SBNO2: variants seen among roughly 807,000 people sequenced by gnomAD.
The protein encoded by SBNO2 is strawberry notch homolog 2.
SBNO2 carries 89 observed loss-of-function variants against 146.3 expected under a neutral mutation model. The ratio of observed to expected loss-of-function variants is 0.61; its 90% CI spans 0.51 to 0.73. The LOEUF (loss-of-function observed/expected upper bound fraction) is 0.73. SBNO2 is among the 30% of genes least tolerant of loss of function. The pLI is 0.00. For synonymous variants in SBNO2, 1,147 were observed against 892.6 expected (o/e 1.29, Z -5.08); for missense variants, 2,092 against 2,003.7 (o/e 1.04, Z -0.84).
rs751306651 is a variant in SBNO2 at position 1,109,436 on chromosome 19, G to A, written c.3217-13C>T. ...TGTTACCGCGGACCTGCGGAGGGGG[G>A]CGTTGAGGCCGCGCCCCGGTCCGCC... On this transcript the variant is annotated splice_polypyrimidine_tract_variant and intron_variant, in intron 28 of 31. Transcript: ENST00000361757. The surrounding 1 kb of genome is among the most constrained non-coding windows in gnomAD (Gnocchi z 4.2). 1.3e-6 allele frequency: 2 copies of A among 1,563,656 alleles called. No individual in the cohort carries two copies. Among genetic ancestry groups the A allele is most frequent in the Non-Finnish European group, 1.7e-6 (2 of 1,155,258 alleles).
intron 23 of SBNO2, 102 bp from the exon 24 acceptor site, chr19:1,111,716 C>T (rs934876450): frequency 1.3e-4 from 112 of 863,318 alleles, no homozygotes; most frequent in Non-Finnish European, 1.8e-4. Context: ...GCCCCTGGAC[C>T]CTGCCCTCCC....
chr19:1,113,148 C>G (rs1000091974), intron 19 of SBNO2, among the ~76,000 whole-genome samples, 199 bp from the exon 20 acceptor site: 4 of 152,184 alleles, frequency 2.6e-5, no homozygotes, highest in African/African-American at 9.7e-5. Flanking sequence ...GTATTATCAG[C>G]CAGCCGGCGC....
chr19:1,139,065 G>A (rs2080111610), intron 4 of SBNO2, among the ~76,000 whole-genome samples: 1 of 152,092 alleles, frequency 6.6e-6, no homozygotes, highest in South Asian at 2.1e-4. Context: ...GGTCCTCCAC[G>A]CGTCCATCAT....
intron 15 of SBNO2, 37 bp downstream of exon 15, chr19:1,117,286 C>G: frequency 6.5e-7 from 1 of 1,532,646 alleles, no homozygotes; most frequent in East Asian, 2.4e-5. Flanking sequence ...CCTGCAGGCC[C>G]GGCCGCCCTC....
intron 17 of SBNO2, among the ~76,000 whole-genome samples, chr19:1,114,798 C>T (rs897820199): frequency 1.3e-5 from 2 of 152,130 alleles, no homozygotes; most frequent in Non-Finnish European, 2.9e-5. Flanking sequence ...CCACGCCTGG[C>T]TAATCTTTTG....
chr19:1,119,807 G>A (rs780321238), intron 12 of SBNO2, 99 bp downstream of exon 12: 4 of 1,023,562 alleles, frequency 3.9e-6, no homozygotes, highest in Non-Finnish European at 5.8e-6. Flanking sequence ...GCAGGGTGCA[G>A]ACGGAGGCTG....
rs996658254 is a variant in SBNO2, at chr19:1,129,110, C to A, written c.280-1345G>T. 4.6e-5 allele frequency among the ~76,000 whole-genome samples: 7 copies of A among 151,414 alleles called. No homozygotes were observed. The East Asian group carries it at 1.2e-3, about 25-fold the overall frequency. ...GGTAAAACCCTGTCTTTACTAAAAA[C>A]ACAAAAATTAGCTGGGCATGGTGGT... On this transcript the variant is annotated intron_variant, in intron 4 of 31. Coordinates refer to ENST00000361757, the MANE Select transcript of SBNO2 (RefSeq NM_014963.3).
At chr19:1,147,256 G>A (rs2080199257) in intron 4 of SBNO2, 53 bp downstream of exon 4, 10 of 1,228,894 alleles carry the variant, frequency 8.1e-6, no homozygotes, top group East Asian at 5.2e-5. Context: ...CTGGAGGGGC[G>A]GCCCAGACTC....
chr19:1,132,683 C>A (rs1250728803), intron 4 of SBNO2, among the ~76,000 whole-genome samples: 1 of 152,224 alleles, frequency 6.6e-6, no homozygotes, highest in Non-Finnish European at 1.5e-5. Context: ...CTCTCCCCAC[C>A]CCACCCCTGC....
intron 1 of SBNO2, among the ~76,000 whole-genome samples, chr19:1,162,821 C>G (rs2080362427): frequency 6.6e-6 from 1 of 152,234 alleles, no homozygotes; most frequent in African/African-American, 2.4e-5. Context: ...TACATGCACA[C>G]CCAGTCCAGC....
rs1345576350 is a variant in SBNO2, at chr19:1,110,824, C to T, written c.2949G>A (p.Leu983=). ...LGLEVHKQNA[L]FQYFSDTFDH... is the part of the protein sequence containing the mutation. Reference sequence around the variant, plus strand: ...CGAAGGTGTCTGAGAAGTACTGGAACAGGGCGTTCTGCTTGTGCACCTCCA... The same window carrying T: ...CGAAGGTGTCTGAGAAGTACTGGAATAGGGCGTTCTGCTTGTGCACCTCCA... The change falls in exon 26 of 32, where the codon CTG becomes CTA. Residue 983 remains leucine (L), a synonymous_variant. Coordinates refer to ENST00000361757, the MANE Select transcript of SBNO2 (RefSeq NM_014963.3). The surrounding 1 kb of genome is among the most constrained non-coding windows in gnomAD (Gnocchi z 4.9). 2 of 1,613,676 alleles carry T rather than the reference C, an allele frequency of 1.2e-6. No homozygotes were observed. Among genetic ancestry groups the T allele is most frequent in the Admixed American group, 1.7e-5 (1 of 59,986 alleles).
Position 1,147,433 on chromosome 19 carries a change from G to T in SBNO2, c.168-13C>A, listed in dbSNP as rs767608646. The T allele has an allele frequency of 6.4e-5, 32 of 498,650 alleles. No homozygotes were observed. Among genetic ancestry groups the T allele is most frequent in the Non-Finnish European group, 8.6e-5 (30 of 348,120 alleles). 30.9% of individuals were successfully genotyped at this position (498,650 alleles called of 1,614,324 possible). ...GCTCATGAACGGGCTGGAGGGAGAT[G>T]GGGGGGGGGGAGGTGAGATGGGGTG... On this transcript the variant is annotated splice_polypyrimidine_tract_variant and intron_variant, in intron 3 of 31. Coordinates refer to ENST00000361757, the MANE Select transcript of SBNO2 (RefSeq NM_014963.3).
intron 11 of SBNO2, 97 bp from the exon 12 acceptor site, chr19:1,120,120 G>A (rs2079882839): frequency 2.2e-6 from 2 of 928,676 alleles, no homozygotes; most frequent in Non-Finnish European, 3.3e-6. Flanking sequence ...CTGGTGGGGG[G>A]CAAACGCCTG....
In SBNO2 at chr19:1,108,278, T is replaced by C; in HGVS notation, c.4043A>G (p.Glu1348Gly). The C allele has an allele frequency of 6.6e-7, 1 of 1,511,998 alleles. No homozygotes were observed. Among genetic ancestry groups the C allele is most frequent in the Non-Finnish European group, 8.9e-7 (1 of 1,128,502 alleles). 93.7% of individuals were successfully genotyped at this position (1,511,998 alleles called of 1,614,324 possible). A position where few individuals can be genotyped will look rare whatever the true frequency, so the allele number is the denominator to read the frequency against. The change falls in exon 32 of 32, where the codon GAG becomes GGG. Residue 1348 changes from glutamate (E) to glycine (G), a missense_variant. By Grantham distance (98) the Glu-to-Gly change is moderately conservative. Coordinates refer to ENST00000361757, the MANE Select transcript of SBNO2 (RefSeq NM_014963.3). ...GCTGAACTGGATCACGCTCTGCCGC[T>C]CGGGACCACCGCCCGCCGCGCCCCC... ...GAGGAAGGGP[E>G]RQSVIQFSPP...
rs543672434 is a variant in SBNO2, at chr19:1,132,805, G to A, written c.280-5040C>T. Among the ~76,000 whole-genome samples, 7 of 152,336 alleles carry A rather than the reference G, an allele frequency of 4.6e-5. No individual in the cohort carries two copies. The South Asian group carries it at 6.2e-4, about 14-fold the overall frequency. On this transcript the variant is annotated intron_variant, in intron 4 of 31. Transcript: ENST00000361757. ...GGGCCCCGTGGCCTCCCTTGATCTG[G>A]GGCTGGCGGAGGGAGAGCTGAGCCT...
chr19:1,118,228 C>T (rs555973076), intron 14 of SBNO2, among the ~76,000 whole-genome samples: 2 of 152,126 alleles, frequency 1.3e-5, no homozygotes, highest in Non-Finnish European at 2.9e-5. Context: ...ACCCCAGCTA[C>T]GCGGGAGGCT....
rs2079722366 is a variant in SBNO2 at position 1,109,312 on chromosome 19, G to C, written c.3328C>G (p.Leu1110Val). 3 of 1,596,904 alleles carry C rather than the reference G, an allele frequency of 1.9e-6. No homozygotes were observed. The highest frequency in any genetic ancestry group is 1.1e-5 in the South Asian group (1 of 88,982). The part of the protein sequence containing the change: ...RQSQLEALDS[L>V]RRKFHRVTAE... Reference sequence around the variant, plus strand: ...CCTACCCGGTGGAACTTGCGGCGGAGGCTGTCCAGGGCCTCCAGCTGGCTC... The same window carrying C: ...CCTACCCGGTGGAACTTGCGGCGGACGCTGTCCAGGGCCTCCAGCTGGCTC... Residue 1110 changes from leucine to valine, a missense_variant, in exon 29 of 32, where the codon CTC becomes GTC. Transcript: ENST00000361757. The surrounding 1 kb of genome is among the most constrained non-coding windows in gnomAD (Gnocchi z 4.2).
chr19:1,156,104 C>A (rs1244220020), intron 1 of SBNO2, among the ~76,000 whole-genome samples: 3 of 152,108 alleles, frequency 2.0e-5, no homozygotes, highest in African/African-American at 7.2e-5. Flanking sequence ...TCGGGGTACA[C>A]CATAGCTGAG....
rs1391315423 is a variant in SBNO2 at position 1,157,854 on chromosome 19, CT to C, written c.-126-3453del. Among the ~76,000 whole-genome samples, 217 of 151,450 alleles carry C rather than the reference CT, an allele frequency of 1.4e-3. 1 individual carries two copies. The highest frequency in any genetic ancestry group is 5.2e-3 in the African/African-American group (213 of 41,108). On this transcript the variant is annotated intron_variant, in intron 1 of 31. Coordinates refer to ENST00000361757, the MANE Select transcript of SBNO2 (RefSeq NM_014963.3). The surrounding 1 kb of genome is among the most constrained non-coding windows in gnomAD (Gnocchi z 6.8). ...AACTGCGTCCGCCTCCCAGCTCTCT[CT>C]CTTGAGTCCGGGTAACTGCATCTGC...
Sources: allele counts gnomAD v4.1 joint callset (sites outside exome capture counted in the v4.1 genomes callset), GRCh38; gene constraint gnomAD v4.1.1; non-coding constraint Gnocchi (gnomAD v3.1); transcripts MANE v1.5; gene names NCBI Gene and HGNC (gene_info 2026-07-23, HGNC 2026-07-21).